Variants in ASCC3 observed in about 807,000 individuals in gnomAD.
ASCC3 encodes activating signal cointegrator 1 complex subunit 3, also known as ASC-1 complex subunit P200.
A neutral mutation model predicts 256.3 loss-of-function variants in ASCC3; 158 were observed. The observed-to-expected ratio is 0.62, with a 90% CI of 0.54 to 0.70. The LOEUF is 0.70. Ranked by LOEUF, ASCC3 falls within the 30% of genes least tolerant of loss-of-function variation. The pLI is 0.00. For missense variants in ASCC3, 2,259 were observed against 2,626.0 expected (o/e 0.86, Z 3.05); for synonymous variants, 948 against 883.4 (o/e 1.07, Z -1.30).
intron 4 of ASCC3, among the ~76,000 whole-genome samples, chr6:100,806,710 T>A (rs1229679723): frequency 6.6e-6 from 1 of 151,986 alleles, no homozygotes; most frequent in East Asian, 1.9e-4. Flanking sequence ...TTTGTGTATA[T>A]GGACATTAAA....
At chr6:100,800,094 A>C (rs894496607) in intron 6 of ASCC3, among the ~76,000 whole-genome samples, 2 of 152,042 alleles carry the variant, frequency 1.3e-5, no homozygotes, top group African/African-American at 4.8e-5. Flanking sequence ...ATCTACCTGG[A>C]TGCGACCAAG....
chr6:100,642,662 C>T lies in ASCC3; in HGVS notation c.3820G>A (p.Asp1274Asn). The change falls in exon 24 of 42, where the codon GAT becomes AAT. Residue 1274 changes from aspartate (D) to asparagine (N), a missense_variant. By Grantham distance (23) the Asp-to-Asn change is conservative. Coordinates refer to ENST00000369162, the MANE Select transcript of ASCC3 (RefSeq NM_006828.4). ...ACTGCCTCAGCACCCAACCATCTATCAGACACTGCTCGGATGTAGTATTGG... is the reference window on the plus strand; with the variant it reads ...ACTGCCTCAGCACCCAACCATCTATTAGACACTGCTCGGATGTAGTATTGG... ...PSQYYIRAVS[D>N]RWLGAEAVCI... is the part of the protein sequence containing the mutation. 6.2e-7 allele frequency: 1 copy of T among 1,613,976 alleles called. No homozygotes were observed. The highest frequency in any genetic ancestry group is 8.5e-7 in the Non-Finnish European group (1 of 1,179,894).
chr6:100,563,301 G>A (rs1018202959), intron 36 of ASCC3, among the ~76,000 whole-genome samples: 6 of 151,802 alleles, frequency 4.0e-5, no homozygotes, highest in Non-Finnish European at 7.4e-5. Context: ...TTTTAAAAGG[G>A]GGAAGAATAT....
At chr6:100,862,291 A>T (rs1381512526) in intron 3 of ASCC3, among the ~76,000 whole-genome samples, 1 of 152,218 alleles carries the variant, frequency 6.6e-6, no homozygotes, top group Non-Finnish European at 1.5e-5. Context: ...AATTTTTACT[A>T]ATGTCCTTGA....
At chr6:100,712,297 CTAAGAGAAAT>C (rs1290294407) in intron 13 of ASCC3, among the ~76,000 whole-genome samples, 4 of 151,918 alleles carry the variant, frequency 2.6e-5, no homozygotes, top group African/African-American at 9.7e-5. Flanking sequence ...CTGAAAAACA[CTAAGAGAAAT>C]AAGAGGAAAG....
intron 10 of ASCC3, among the ~76,000 whole-genome samples, chr6:100,735,471 A>G (rs1434418357): frequency 1.4e-5 from 2 of 141,186 alleles, no homozygotes; most frequent in Non-Finnish European, 3.1e-5. Context: ...TTTTTTTTTG[A>G]AACTTTGCAT....
At chr6:100,823,919 CAA>C (rs1376823902) in intron 4 of ASCC3, among the ~76,000 whole-genome samples, 2 of 152,092 alleles carry the variant, frequency 1.3e-5, no homozygotes, top group African/African-American at 4.8e-5. Context: ...ATTCCCAATA[CAA>C]TATCAAATGA....
chr6:100,542,378 T>A (rs1775502756), intron 36 of ASCC3, among the ~76,000 whole-genome samples: 1 of 152,120 alleles, frequency 6.6e-6, no homozygotes, highest in Admixed American at 6.5e-5. Context: ...ATGTTTAATT[T>A]ACTGTAAGAA....
At chr6:100,700,477 A>G (rs566542447) in intron 13 of ASCC3, among the ~76,000 whole-genome samples, 1 of 152,246 alleles carries the variant, frequency 6.6e-6, no homozygotes, top group East Asian at 1.9e-4. Flanking sequence ...CTGTGAGAAG[A>G]GGGCCACCAT....
chr6:100,778,030 A>T, intron 8 of ASCC3, among the ~76,000 whole-genome samples: 1 of 152,038 alleles, frequency 6.6e-6, no homozygotes. Flanking sequence ...AAATGGAGAG[A>T]AGTAGCAGAA....
chr6:100,846,941 C>T lies in ASCC3; in HGVS notation c.801+1207G>A, dbSNP rs138600086. On this transcript the variant is annotated intron_variant, in intron 4 of 41. Transcript: ENST00000369162. Reference sequence around the variant, plus strand: ...AGAACAAGTTTGCTATCTTATTCATCCTTTTATGTTCAGTAAATAGCACTG... The same window carrying T: ...AGAACAAGTTTGCTATCTTATTCATTCTTTTATGTTCAGTAAATAGCACTG... Among the ~76,000 whole-genome samples the T allele has an allele frequency of 3.0e-3, 455 of 152,166 alleles. 1 individual carries two copies. Among genetic ancestry groups the T allele is most frequent in the Non-Finnish European group, 4.6e-3 (313 of 67,984 alleles).
chr6:100,794,935 C>T lies in ASCC3; in HGVS notation c.1395+3778G>A, dbSNP rs1769533451. 2.0e-5 allele frequency among the ~76,000 whole-genome samples: 3 copies of T among 152,102 alleles called. No individual in the cohort carries two copies. In the South Asian group the frequency reaches 6.2e-4, roughly 31 times the overall value. ...CACCAAAAATATCAAAGACATGGTT[C>T]TGTCTTAGCATCTTTCTCATCCTAC... is the stretch of plus-strand genomic sequence containing the variant. On this transcript the variant is annotated intron_variant, in intron 8 of 41. Coordinates refer to ENST00000369162, the MANE Select transcript of ASCC3 (RefSeq NM_006828.4).
chr6:100,602,732 A>C (rs1416548151), intron 33 of ASCC3, among the ~76,000 whole-genome samples: 2 of 152,114 alleles, frequency 1.3e-5, no homozygotes, highest in Non-Finnish European at 2.9e-5. Flanking sequence ...GTTGTGGAGT[A>C]CACAAAGATA....
intron 4 of ASCC3, among the ~76,000 whole-genome samples, chr6:100,832,665 T>C (rs1194975597): frequency 6.6e-6 from 1 of 152,126 alleles, no homozygotes; most frequent in Non-Finnish European, 1.5e-5. Flanking sequence ...TACCCATTCA[T>C]GTTTAAAACA....
chr6:100,644,791 TAGAC>T (rs1394932755), intron 22 of ASCC3, among the ~76,000 whole-genome samples: 1 of 152,088 alleles, frequency 6.6e-6, no homozygotes, highest in Non-Finnish European at 1.5e-5. Context: ...CTGGCCCAAT[TAGAC>T]TGAAGAAAAG....
At chr6:100,630,610 AC>A (rs1364749923) in intron 26 of ASCC3, among the ~76,000 whole-genome samples, 1 of 151,716 alleles carries the variant, frequency 6.6e-6, no homozygotes, top group African/African-American at 2.4e-5. Context: ...CTGATGCTCT[AC>A]TGGAAATTCG....
At chr6:100,732,436 T>C (rs1469325351) in intron 10 of ASCC3, among the ~76,000 whole-genome samples, 2 of 152,122 alleles carry the variant, frequency 1.3e-5, no homozygotes, top group African/African-American at 4.8e-5. Context: ...CAAATTACAG[T>C]AAGATAAAGG....
intron 10 of ASCC3, among the ~76,000 whole-genome samples, chr6:100,756,347 T>C (rs937076729): frequency 6.6e-6 from 1 of 151,692 alleles, no homozygotes; most frequent in African/African-American, 2.4e-5. Flanking sequence ...TTTCAACTTT[T>C]AATTTAATTT....
intron 37 of ASCC3, among the ~76,000 whole-genome samples, chr6:100,536,646 T>C (rs1775178979): frequency 6.6e-6 from 1 of 152,140 alleles, no homozygotes; most frequent in African/African-American, 2.4e-5. Context: ...TTTAATTTTT[T>C]CGTGGAGATG....
Sources: allele counts gnomAD v4.1 joint callset (sites outside exome capture counted in the v4.1 genomes callset), GRCh38; gene constraint gnomAD v4.1.1; transcripts MANE v1.5; gene names NCBI Gene and HGNC (gene_info 2026-07-23, HGNC 2026-07-21).